The following NLRP2B variants were observed in gnomAD, a reference collection of about 807,000 sequenced individuals.
NLRP2B encodes NLR family pyrin domain-containing protein 2B.
For missense variants in NLRP2B, 25 were observed against 6.8 expected (o/e 3.70, Z -3.00); for synonymous variants, 16 against 3.5 (o/e 4.63, Z -4.03).
Position 57,679,355 on chromosome X carries a change from T to A in NLRP2B, c.*768A>T, listed in dbSNP as rs745495890. 159 of 625,145 alleles carry A rather than the reference T, an allele frequency of 2.5e-4. No homozygotes were observed. In the South Asian group the frequency reaches 3.5e-3, roughly 14 times the overall value. The allele number at this position is 625,145 out of a possible 1,213,427, so 51.5% of individuals were successfully genotyped here. ...TTCTGCTTCTCCCAGTCCCCACAGA[T>A]GTCCTAGATCAGTGCCCCAGGTGGG... On this transcript the variant is annotated 3_prime_UTR_variant, in exon 1 of 1. Transcript: ENST00000434992.
rs1454667225 is a variant in NLRP2B at position 57,678,639 on chromosome X, T to C, written c.*1484A>G. On this transcript the variant is annotated 3_prime_UTR_variant, in exon 1 of 1. Transcript: ENST00000434992. ...TCAGGTCGGGGTTCTTGAGTCTTTC[T>C]TCTCTAGAAAACAGCTTCTGCACGT... 8 of 438,877 alleles carry C rather than the reference T, an allele frequency of 1.8e-5. No homozygotes were observed. Among genetic ancestry groups the C allele is most frequent in the African/African-American group, 7.4e-5 (3 of 40,709 alleles). The allele number at this position is 438,877 out of a possible 1,213,427, so 36.2% of individuals were successfully genotyped here.
Position 57,678,187 on chromosome X carries a change from CA to C in NLRP2B, c.*1935del. ...ATCCTTATTTGAGCCAAATATGGAA[CA>C]AAGGTCGGTCCAGAAAGGAAGCATG... is the stretch of plus-strand genomic sequence containing the variant. On this transcript the variant is annotated 3_prime_UTR_variant, in exon 1 of 1. Coordinates refer to ENST00000434992, the MANE Select transcript of NLRP2B (RefSeq NM_001319967.1). The C allele has an allele frequency of 1.9e-6, 1 of 518,484 alleles. No individual in the cohort carries two copies. 42.7% of individuals were successfully genotyped at this position (518,484 alleles called of 1,213,427 possible).
Position 57,679,923 on chromosome X carries a change from T to C in NLRP2B, c.*200A>G, listed in dbSNP as rs1412150498. ...CCAGCATTTGTTTCAGGTCTATAGG[T>C]TTTGGCTCTTCTTTCCCTGTTTTCC... is the stretch of plus-strand genomic sequence containing the variant. On this transcript the variant is annotated 3_prime_UTR_variant, in exon 1 of 1. Coordinates refer to ENST00000434992, the MANE Select transcript of NLRP2B (RefSeq NM_001319967.1). 2.4e-5 allele frequency: 7 copies of C among 293,256 alleles called. No homozygotes were observed. Among genetic ancestry groups the C allele is most frequent in the African/African-American group, 1.9e-4 (7 of 36,082 alleles). The allele number at this position is 293,256 out of a possible 1,213,427, so 24.2% of individuals were successfully genotyped here. A position where few individuals can be genotyped will look rare whatever the true frequency, so the allele number is the denominator to read the frequency against.
Position 57,678,080 on chromosome X carries a change from A to G in NLRP2B, c.*2043T>C. On this transcript the variant is annotated 3_prime_UTR_variant, in exon 1 of 1. Transcript: ENST00000434992. The stretch of plus-strand genomic sequence containing the variant: ...TTGAACATCACTCTCTGGAGACGAC[A>G]GGTGTCAGAAGCTATTTGTTCACAC... 4.3e-6 allele frequency: 2 copies of G among 465,754 alleles called. No homozygotes were observed. Among genetic ancestry groups the G allele is most frequent in the Non-Finnish European group, 7.8e-6 (2 of 257,718 alleles). 38.4% of individuals were successfully genotyped at this position (465,754 alleles called of 1,213,427 possible).
rs1389630763 is a variant in NLRP2B, at chrX:57,677,872, G to A, written c.*2251C>T. 2.3e-6 allele frequency: 1 copy of A among 426,625 alleles called. No homozygotes were observed. Among genetic ancestry groups the A allele is most frequent in the African/African-American group, 2.5e-5 (1 of 40,709 alleles). The allele number at this position is 426,625 out of a possible 1,213,427, so 35.2% of individuals were successfully genotyped here. On this transcript the variant is annotated 3_prime_UTR_variant, in exon 1 of 1. Coordinates refer to ENST00000434992, the MANE Select transcript of NLRP2B (RefSeq NM_001319967.1). ...CAAGGAGAGATCAGCCCATTGCTAA[G>A]TGGTGGTGGAAAAAGACACCAACCC...
rs1603000285 is a variant in NLRP2B, at chrX:57,679,489, G to T, written c.*634C>A. The T allele has an allele frequency of 2.2e-6, 2 of 903,546 alleles. No individual in the cohort carries two copies. Among genetic ancestry groups the T allele is most frequent in the East Asian group, 6.2e-5 (2 of 32,057 alleles). The allele number at this position is 903,546 out of a possible 1,213,427, so 74.5% of individuals were successfully genotyped here. A position where few individuals can be genotyped will look rare whatever the true frequency, so the allele number is the denominator to read the frequency against. Reference sequence around the variant, plus strand: ...AGGCCAGTTCCTGAAGACCAGCTCTGCAAAACTGCACGGGCCCAGGCAGAT... The same window carrying T: ...AGGCCAGTTCCTGAAGACCAGCTCTTCAAAACTGCACGGGCCCAGGCAGAT... On this transcript the variant is annotated 3_prime_UTR_variant, in exon 1 of 1. Coordinates refer to ENST00000434992, the MANE Select transcript of NLRP2B (RefSeq NM_001319967.1).
In NLRP2B at chrX:57,679,471, T is replaced by G; in HGVS notation, c.*652A>C. 1.0e-6 allele frequency: 1 copy of G among 981,565 alleles called. No individual in the cohort carries two copies. Among genetic ancestry groups the G allele is most frequent in the Non-Finnish European group, 1.5e-6 (1 of 688,911 alleles). The allele number at this position is 981,565 out of a possible 1,213,427, so 80.9% of individuals were successfully genotyped here. On this transcript the variant is annotated 3_prime_UTR_variant, in exon 1 of 1. Coordinates refer to ENST00000434992, the MANE Select transcript of NLRP2B (RefSeq NM_001319967.1). The stretch of plus-strand genomic sequence containing the variant: ...AATGTCATCCTGCAATTCAGGCCAG[T>G]TCCTGAAGACCAGCTCTGCAAAACT...
In NLRP2B at chrX:57,678,340, GA is replaced by G. The variant is rs1366937727; in HGVS notation, c.*1782del. The G allele has an allele frequency of 5.0e-5, 27 of 535,383 alleles. No individual in the cohort carries two copies. The highest frequency in any genetic ancestry group is 2.4e-5 in the Admixed American group (1 of 41,250). The allele number at this position is 535,383 out of a possible 1,213,427, so 44.1% of individuals were successfully genotyped here. On this transcript the variant is annotated 3_prime_UTR_variant, in exon 1 of 1. Coordinates refer to ENST00000434992, the MANE Select transcript of NLRP2B (RefSeq NM_001319967.1). ...GTTTCGACAATGCTTGAGGCAGATT[GA>G]AAACAGCATAATGTCTACTGCATTT...
At position 57,679,071 on chromosome X, in the gene NLRP2B, G is replaced by T. The variant is rs974272597; in HGVS notation, c.*1052C>A. On this transcript the variant is annotated 3_prime_UTR_variant, in exon 1 of 1. Coordinates refer to ENST00000434992, the MANE Select transcript of NLRP2B (RefSeq NM_001319967.1). Reference sequence around the variant, plus strand: ...CATGCACATGATCCAGCACACCATGGGTGCCGAGACAGGCTGGAACAGGGC... The same window carrying T: ...CATGCACATGATCCAGCACACCATGTGTGCCGAGACAGGCTGGAACAGGGC... The T allele has an allele frequency of 7.0e-6, 3 of 428,997 alleles. No homozygotes were observed. The highest frequency in any genetic ancestry group is 4.9e-5 in the African/African-American group (2 of 40,525). The allele number at this position is 428,997 out of a possible 1,213,427, so 35.4% of individuals were successfully genotyped here.
Position 57,677,636 on chromosome X carries a change from C to T in NLRP2B, c.*2487G>A. On this transcript the variant is annotated 3_prime_UTR_variant, in exon 1 of 1. Transcript: ENST00000434992. ...GTATCCCCGAGTGGGGGGTTCTTGG[C>T]CAAGCACAGGTGTGTCAGCTCCCCG... The T allele has an allele frequency of 3.1e-6, 1 of 319,839 alleles. No individual in the cohort carries two copies. The highest frequency in any genetic ancestry group is 3.8e-5 in the Admixed American group (1 of 26,335). The allele number at this position is 319,839 out of a possible 1,213,427, so 26.4% of individuals were successfully genotyped here.
rs5960295 is a variant in NLRP2B, at chrX:57,678,128, C to G, written c.*1995G>C. On this transcript the variant is annotated 3_prime_UTR_variant, in exon 1 of 1. Transcript: ENST00000434992. ...CACAGGATCCTTACTAATGTGGCACCAAGAAAGCTATTATTGATTTCTAGA... is the reference window on the plus strand; with the variant it reads ...CACAGGATCCTTACTAATGTGGCACGAAGAAAGCTATTATTGATTTCTAGA... The G allele has an allele frequency of 2.1e-6, 1 of 472,475 alleles. No individual in the cohort carries two copies. Among genetic ancestry groups the G allele is most frequent in the Admixed American group, 2.8e-5 (1 of 35,186 alleles). The allele number at this position is 472,475 out of a possible 1,213,427, so 38.9% of individuals were successfully genotyped here.
chrX:57,678,890 T>A lies in NLRP2B; in HGVS notation c.*1233A>T. ...AAGTCCTCTCCACGGAACACTGACA[T>A]CTGCGCCCACAGGCCCTGTGCCGCC... On this transcript the variant is annotated 3_prime_UTR_variant, in exon 1 of 1. Coordinates refer to ENST00000434992, the MANE Select transcript of NLRP2B (RefSeq NM_001319967.1). 2.6e-6 allele frequency: 1 copy of A among 384,356 alleles called. No individual in the cohort carries two copies. Among genetic ancestry groups the A allele is most frequent in the South Asian group, 3.4e-5 (1 of 29,685 alleles). The allele number at this position is 384,356 out of a possible 1,213,427, so 31.7% of individuals were successfully genotyped here.
Position 57,679,646 on chromosome X carries a change from G to A in NLRP2B, c.*477C>T, listed in dbSNP as rs1312339930. 6.4e-6 allele frequency: 3 copies of A among 468,308 alleles called. No individual in the cohort carries two copies. Among genetic ancestry groups the A allele is most frequent in the African/African-American group, 4.8e-5 (2 of 41,418 alleles). The allele number at this position is 468,308 out of a possible 1,213,427, so 38.6% of individuals were successfully genotyped here. Reference sequence around the variant, plus strand: ...GCAGGACCATGCAGCACCACCGTGTGTGGGCAGGGCCCGGGAAGCACCCTG... The same window carrying A: ...GCAGGACCATGCAGCACCACCGTGTATGGGCAGGGCCCGGGAAGCACCCTG... On this transcript the variant is annotated 3_prime_UTR_variant, in exon 1 of 1. Transcript: ENST00000434992.
Position 57,680,180 on chromosome X carries a change from C to T in NLRP2B, c.81G>A (p.Lys27=). 1 of 400,979 alleles carries T rather than the reference C, an allele frequency of 2.5e-6. No homozygotes were observed. Among genetic ancestry groups the T allele is most frequent in the Non-Finnish European group, 4.4e-6 (1 of 224,850 alleles). 33.0% of individuals were successfully genotyped at this position (400,979 alleles called of 1,213,427 possible). Residue 27 remains lysine, a synonymous_variant, in exon 1 of 1, where the codon AAG becomes AAA. Transcript: ENST00000434992. ...QLSQDDLCKF[K]SLIRTVSLGN... ...CCAGGGAGACGGTCCTGATCAGAGACTTGAACTTGCACAAGTCATCCTGGC... is the reference window on the plus strand; with the variant it reads ...CCAGGGAGACGGTCCTGATCAGAGATTTGAACTTGCACAAGTCATCCTGGC...
In NLRP2B at chrX:57,679,326, C is replaced by T. The variant is rs995225120; in HGVS notation, c.*797G>A. The T allele has an allele frequency of 1.1e-4, 60 of 553,568 alleles. No homozygotes were observed. The highest frequency in any genetic ancestry group is 6.9e-4 in the Middle Eastern group (2 of 2,885). 45.6% of individuals were successfully genotyped at this position (553,568 alleles called of 1,213,427 possible). On this transcript the variant is annotated 3_prime_UTR_variant, in exon 1 of 1. Transcript: ENST00000434992. ...GTAACCTCCCCAAGAAGACCGGCAC[C>T]GGCTTCTGCTTCTCCCAGTCCCCAC...
rs1274776691 is a variant in NLRP2B, at chrX:57,678,588, G to T, written c.*1535C>A. 10 of 482,666 alleles carry T rather than the reference G, an allele frequency of 2.1e-5. No individual in the cohort carries two copies. In the East Asian group the frequency reaches 3.7e-4, roughly 18 times the overall value. 39.8% of individuals were successfully genotyped at this position (482,666 alleles called of 1,213,427 possible). ...CCTTGGCTTTCTTCTCGTTGGCGAAGCCGAATAAGAAGTGTCTTGCTTGGA... is the reference window on the plus strand; with the variant it reads ...CCTTGGCTTTCTTCTCGTTGGCGAATCCGAATAAGAAGTGTCTTGCTTGGA... On this transcript the variant is annotated 3_prime_UTR_variant, in exon 1 of 1. Coordinates refer to ENST00000434992, the MANE Select transcript of NLRP2B (RefSeq NM_001319967.1).
rs1219736115 is a variant in NLRP2B at position 57,680,167 on chromosome X, T to A, written c.94A>T (p.Thr32Ser). 2.4e-6 allele frequency: 1 copy of A among 410,709 alleles called. No homozygotes were observed. The highest frequency in any genetic ancestry group is 4.3e-6 in the Non-Finnish European group (1 of 230,338). 33.8% of individuals were successfully genotyped at this position (410,709 alleles called of 1,213,427 possible). A position where few individuals can be genotyped will look rare whatever the true frequency, so the allele number is the denominator to read the frequency against. Residue 32 changes from threonine (T) to serine (S), a missense_variant, in exon 1 of 1, where the codon ACC (threonine) becomes TCC (serine). Physicochemically the swap from Thr to Ser is moderately conservative, Grantham distance 58. Coordinates refer to ENST00000434992, the MANE Select transcript of NLRP2B (RefSeq NM_001319967.1). Reference protein sequence around the residue: ...DLCKFKSLIRTVSLGNELQKI... With the variant: ...DLCKFKSLIRSVSLGNELQKI... ...TGCAGCTCATTTCCCAGGGAGACGGTCCTGATCAGAGACTTGAACTTGCAC... is the reference window on the plus strand; with the variant it reads ...TGCAGCTCATTTCCCAGGGAGACGGACCTGATCAGAGACTTGAACTTGCAC...
In NLRP2B at chrX:57,680,127, G is replaced by A. The variant is rs1016567772; in HGVS notation, c.134C>T (p.Thr45Ile). ...LGNELQKIPQ[T>I] is the part of the protein sequence containing the mutation. ...CTTCCCATCAGCCTTGTCTACCTAT[G>A]TCTGGGGGATCTTTTGCAGCTCATT... Residue 45 changes from threonine to isoleucine, a missense_variant, in exon 1 of 1, where the codon ACA becomes ATA. Transcript: ENST00000434992. 17 of 445,003 alleles carry A rather than the reference G, an allele frequency of 3.8e-5. No homozygotes were observed. The highest frequency in any genetic ancestry group is 3.3e-4 in the African/African-American group (13 of 39,700). The allele number at this position is 445,003 out of a possible 1,213,427, so 36.7% of individuals were successfully genotyped here. A position where few individuals can be genotyped will look rare whatever the true frequency, so the allele number is the denominator to read the frequency against.
In NLRP2B at chrX:57,677,387, A is replaced by G. The variant is rs2011714701; in HGVS notation, c.*2736T>C. 1 of 354,433 alleles carries G rather than the reference A, an allele frequency of 2.8e-6. No homozygotes were observed. Among genetic ancestry groups the G allele is most frequent in the African/African-American group, 2.6e-5 (1 of 38,332 alleles). 29.2% of individuals were successfully genotyped at this position (354,433 alleles called of 1,213,427 possible). ...ATGGAACACCCCCACAACCACAGAC[A>G]TCTCAAGTTACACAGTGGTTTCTTC... On this transcript the variant is annotated 3_prime_UTR_variant, in exon 1 of 1. Coordinates refer to ENST00000434992, the MANE Select transcript of NLRP2B (RefSeq NM_001319967.1).
Sources: allele counts gnomAD v4.1 joint callset, GRCh38; gene constraint gnomAD v4.1.1; transcripts MANE v1.5; gene names NCBI Gene and HGNC (gene_info 2026-07-23, HGNC 2026-07-21).